The following TASP1 variants were observed in gnomAD, a reference collection of about 807,000 sequenced individuals.
TASP1 encodes taspase 1.
A neutral mutation model predicts 56.6 loss-of-function variants in TASP1; 16 were observed. The ratio of observed to expected loss-of-function variants is 0.28; its 90% CI spans 0.19 to 0.43. The LOEUF (loss-of-function observed/expected upper bound fraction) is 0.43, where lower values mean the gene tolerates loss of function less well. TASP1 is among the 20% of genes least tolerant of loss of function. The pLI is 1.00. For synonymous variants in TASP1, 179 were observed against 184.2 expected, an observed-to-expected ratio of 0.97 and a Z score of 0.23; for missense variants, 393 against 511.6, an observed-to-expected ratio of 0.77 and a Z score of 2.24.
the TASP1 span, among the ~76,000 whole-genome samples, chr20:13,375,766 G>T: frequency 6.6e-6 from 1 of 152,124 alleles, no homozygotes; most frequent in African/African-American, 2.4e-5. Context: ...ACTTCTTAAT[G>T]ATTGCCATTC....
chr20:13,608,931 A>G (rs886870807), intron 4 of TASP1, among the ~76,000 whole-genome samples: 1 of 152,260 alleles, frequency 6.6e-6, no homozygotes, highest in Non-Finnish European at 1.5e-5. Context: ...AAAACAGGTA[A>G]GCAATAGGAG....
the TASP1 span, among the ~76,000 whole-genome samples, chr20:13,171,914 A>G: frequency 3.3e-5 from 5 of 152,156 alleles, no homozygotes; most frequent in African/African-American, 1.2e-4. Flanking sequence ...TTACATCCAC[A>G]AAACAAGAAT....
the TASP1 span, among the ~76,000 whole-genome samples, chr20:13,372,580 T>C: frequency 6.6e-6 from 1 of 151,582 alleles, no homozygotes; most frequent in Non-Finnish European, 1.5e-5. Flanking sequence ...TATGTATGTA[T>C]GCATATGCTA....
intron 2 of TASP1, among the ~76,000 whole-genome samples, chr20:13,627,021 A>G (rs987845576): frequency 6.6e-6 from 1 of 151,692 alleles, no homozygotes; most frequent in African/African-American, 2.4e-5. Flanking sequence ...TTAAACTTCA[A>G]TTACAGTGTT....
chr20:13,535,718 G>A (rs1374851429), intron 8 of TASP1, among the ~76,000 whole-genome samples: 1 of 152,170 alleles, frequency 6.6e-6, no homozygotes, highest in Non-Finnish European at 1.5e-5. Context: ...TAGGATGCAG[G>A]ATGTCTGTAT....
the TASP1 span, among the ~76,000 whole-genome samples, chr20:13,147,537 A>T: frequency 6.6e-6 from 1 of 152,148 alleles, no homozygotes; most frequent in Non-Finnish European, 1.5e-5. Context: ...AAGCCAGGGG[A>T]AAAAGTCCAG....
At chr20:13,311,243 T>TAGATAGATAGATAGATAGATAGATGATA in the TASP1 span, among the ~76,000 whole-genome samples, 798 of 127,704 alleles carry the variant, frequency 6.2e-3, 4 homozygotes, top group African/African-American at 6.6e-3. Context: ...GATAGATAGA[T>TAGATAGATAGATAGATAGATAGATGATA]GATAGATAGA....
At chr20:13,391,792 CCTG>C (rs2041292427) in intron 13 of TASP1, among the ~76,000 whole-genome samples, 1 of 151,264 alleles carries the variant, frequency 6.6e-6, no homozygotes, top group African/African-American at 2.4e-5. Flanking sequence ...ATGGTGAAAC[CCTG>C]TCTCTACTAA....
chr20:13,320,598 T>A, the TASP1 span, among the ~76,000 whole-genome samples: 4 of 152,132 alleles, frequency 2.6e-5, no homozygotes, highest in Admixed American at 1.3e-4. Context: ...AAAAACAAAG[T>A]AACCATGGCT....
chr20:13,261,605 C>G, the TASP1 span, among the ~76,000 whole-genome samples: 1 of 152,134 alleles, frequency 6.6e-6, no homozygotes, highest in African/African-American at 2.4e-5. Context: ...GACCCAGACC[C>G]AGACCTTGAA....
chr20:13,633,379 C>T (rs572036320), intron 1 of TASP1, among the ~76,000 whole-genome samples: 27 of 152,218 alleles, frequency 1.8e-4, no homozygotes, highest in Non-Finnish European at 2.6e-4. Flanking sequence ...TCACTGTTCA[C>T]CCCCTTGAAA....
At chr20:13,483,617 C>T (rs1036393940) in intron 10 of TASP1, among the ~76,000 whole-genome samples, 5 of 152,080 alleles carry the variant, frequency 3.3e-5, no homozygotes, top group Admixed American at 2.6e-4. Flanking sequence ...GTGTTAGGCA[C>T]TAACAAAAAA....
intron 2 of TASP1, among the ~76,000 whole-genome samples, chr20:13,627,604 A>G (rs2048938451): frequency 6.6e-6 from 1 of 152,056 alleles, no homozygotes; most frequent in African/African-American, 2.4e-5. Context: ...TACAAAAATT[A>G]GCCGGGCATG....
At chr20:13,433,094 T>C (rs2008702) in intron 12 of TASP1, among the ~76,000 whole-genome samples, 11,785 of 152,072 alleles carry the variant, frequency 0.077, 789 homozygotes, top group African/African-American at 0.18. Context: ...GTCATCTACA[T>C]TAAGTATTTC....
chr20:13,510,227 T>C (rs964219914), intron 10 of TASP1, among the ~76,000 whole-genome samples: 1 of 152,158 alleles, frequency 6.6e-6, no homozygotes, highest in African/African-American at 2.4e-5. Context: ...TACTATGTCA[T>C]ATTAGGACAG....
At chr20:13,612,172 T>C (rs928220849) in intron 4 of TASP1, among the ~76,000 whole-genome samples, 7 of 152,158 alleles carry the variant, frequency 4.6e-5, no homozygotes, top group African/African-American at 1.7e-4. Flanking sequence ...AAGTAACCTG[T>C]ACTGCAGTCT....
At chr20:13,154,318 G>A in the TASP1 span, among the ~76,000 whole-genome samples, 1 of 152,086 alleles carries the variant, frequency 6.6e-6, no homozygotes, top group Admixed American at 6.6e-5. Context: ...AGGTCTTATA[G>A]AAAGGGAACC....
the TASP1 span, among the ~76,000 whole-genome samples, chr20:13,215,316 CA>C: frequency 6.6e-6 from 1 of 152,148 alleles, no homozygotes; most frequent in Non-Finnish European, 1.5e-5. Context: ...TAATTCTGAC[CA>C]AATAGTTTGT....
intron 7 of TASP1, among the ~76,000 whole-genome samples, chr20:13,566,151 C>T (rs1220507081): frequency 6.6e-6 from 1 of 152,062 alleles, no homozygotes; most frequent in Non-Finnish European, 1.5e-5. Context: ...CAAAAATGAA[C>T]TAGCCAGGGA....
Sources: allele counts gnomAD v4.1 joint callset (sites outside exome capture counted in the v4.1 genomes callset), GRCh38; gene constraint gnomAD v4.1.1; transcripts MANE v1.5; gene names NCBI Gene and HGNC (gene_info 2026-07-23, HGNC 2026-07-21).